Variants in CDH26 observed in about 807,000 individuals in gnomAD.
The protein encoded by CDH26 is cadherin 26, also known as cadherin-like protein 26.
A neutral mutation model predicts 90.3 loss-of-function variants in CDH26; 83 were observed. The ratio of observed to expected loss-of-function variants is 0.92; its 90% confidence interval spans 0.77 to 1.10. The LOEUF is 1.10. Among genes scored for constraint, CDH26 ranks in the 50% least tolerant of loss-of-function variants. CDH26 has a pLI of 0.00. For synonymous variants in CDH26, 397 were observed against 396.3 expected (o/e 1.00, Z -0.02); for missense variants, 1,013 against 1,037.6 (o/e 0.98, Z 0.33).
At chr20:59,983,139 G>A (rs2061414244) in intron 5 of CDH26, 69 bp downstream of exon 5, 1 of 1,522,920 alleles carries the variant, frequency 6.6e-7, no homozygotes, top group Non-Finnish European at 8.9e-7. Context: ...TAATATTGAT[G>A]AGGAGCTTGA....
intron 1 of CDH26, among the ~76,000 whole-genome samples, chr20:59,962,441 C>T (rs908806262): frequency 6.6e-6 from 1 of 152,206 alleles, no homozygotes; most frequent in African/African-American, 2.4e-5. Context: ...CCAGCTGTTT[C>T]TTGGCTTGCA....
At chr20:59,987,819 G>A (rs970521857) in intron 8 of CDH26, among the ~76,000 whole-genome samples, 181 bp downstream of exon 8, 3 of 152,178 alleles carry the variant, frequency 2.0e-5, no homozygotes, top group African/African-American at 7.2e-5. Flanking sequence ...TGTGTGGGCT[G>A]AGGACTCCTC....
intron 4 of CDH26, among the ~76,000 whole-genome samples, chr20:59,979,601 CTTTT>C (rs559969476): frequency 6.3e-5 from 3 of 47,494 alleles, no homozygotes; most frequent in Admixed American, 3.7e-4. Flanking sequence ...CTGCTATGCA[CTTTT>C]TTTTTTTTTT....
chr20:59,988,977 G>A lies in CDH26; in HGVS notation c.1097G>A (p.Cys366Tyr). ...GAGAATGAGGAGAGGCTCGTCTTCT[G>A]TGAGAGAGGAAAGCTTCAGCCGCCA... ...VVENEERLVF[C>Y]ERGKLQPPRK... The change falls in exon 9 of 18, where the codon TGT (cysteine) becomes TAT (tyrosine). Residue 366 changes from cysteine (C) to tyrosine (Y), a missense_variant. Cys to Tyr is a radical substitution (Grantham distance 194). Transcript: ENST00000348616. 1 of 1,614,192 alleles carries A rather than the reference G, an allele frequency of 6.2e-7. No homozygotes were observed. Among genetic ancestry groups the A allele is most frequent in the Non-Finnish European group, 8.5e-7 (1 of 1,180,030 alleles).
At chr20:60,021,895 C>CATATATATAT (rs1387371250) in intron 7 of CDH26, among the ~76,000 whole-genome samples, 54 of 80,848 alleles carry the variant, frequency 6.7e-4, no homozygotes, top group Non-Finnish European at 1.3e-3. Context: ...CACACACACA[C>CATATATATAT]ACATATATAT....
At chr20:59,963,637 C>T (rs2061106780) in intron 1 of CDH26, among the ~76,000 whole-genome samples, 1 of 152,050 alleles carries the variant, frequency 6.6e-6, no homozygotes, top group Non-Finnish European at 1.5e-5. Flanking sequence ...GCCCAATTAG[C>T]CACATGTGGC....
chr20:60,010,892 C>T (rs195010), intron 17 of CDH26, among the ~76,000 whole-genome samples: 12,394 of 152,286 alleles, frequency 0.081, 1,314 homozygotes, highest in African/African-American at 0.24. Context: ...TCTGCCACCA[C>T]TCAGAACTGG....
At chr20:59,996,830 T>C (rs1460605505) in intron 13 of CDH26, 69 bp downstream of exon 13, 1 of 1,584,588 alleles carries the variant, frequency 6.3e-7, no homozygotes, top group Non-Finnish European at 8.6e-7. Flanking sequence ...TAGCATGTAT[T>C]TTTCCCCCCA....
rs184876484 is a variant in CDH26 at position 59,998,477 on chromosome 20, T to C, written c.2020-1109T>C. Among the ~76,000 whole-genome samples, 61 of 151,990 alleles carry C rather than the reference T, an allele frequency of 4.0e-4. No individual in the cohort carries two copies. The East Asian group carries it at 8.1e-3, about 20-fold the overall frequency. On this transcript the variant is annotated intron_variant, in intron 13 of 17. Coordinates refer to ENST00000348616, the MANE Select transcript of CDH26 (RefSeq NM_177980.4). ...CCTTGTGATGCTAAGACCAGGAGGG[T>C]TGGAGGGGGCTTAATGACATGGTGG...
At chr20:60,034,699 A>G (rs963789024), downstream of CDH26, among the ~76,000 whole-genome samples, 2 of 152,228 alleles carry the variant, frequency 1.3e-5, no homozygotes, top group Non-Finnish European at 2.9e-5. Context: ...TTCAGGCTCA[A>G]ATGAAAGGCC....
intron 7 of CDH26, among the ~76,000 whole-genome samples, chr20:60,023,134 G>A (rs2061971021): frequency 6.6e-6 from 1 of 152,232 alleles, no homozygotes; most frequent in African/African-American, 2.4e-5. Flanking sequence ...CAGCCATTCT[G>A]GTCACTGCCG....
At chr20:59,989,458 G>A (rs1040184334) in intron 9 of CDH26, among the ~76,000 whole-genome samples, 22 of 151,010 alleles carry the variant, frequency 1.5e-4, no homozygotes, top group African/African-American at 5.4e-4. Context: ...AACCCGGGAA[G>A]CGGAGCTTGC....
chr20:59,975,534 G>A (rs945491181), intron 4 of CDH26, among the ~76,000 whole-genome samples: 5 of 152,158 alleles, frequency 3.3e-5, no homozygotes, highest in Admixed American at 3.3e-4. Context: ...ACAGCCACAG[G>A]AAACTAACAG....
intron 4 of CDH26, among the ~76,000 whole-genome samples, chr20:59,978,051 G>A (rs116147039): frequency 0.015 from 2,310 of 152,094 alleles, 66 homozygotes; most frequent in African/African-American, 0.052. Flanking sequence ...TCTTTCACTT[G>A]GCAATATCCA....
chr20:59,963,354 G>A (rs971011727), intron 1 of CDH26, among the ~76,000 whole-genome samples: 3 of 149,546 alleles, frequency 2.0e-5, no homozygotes, highest in South Asian at 2.1e-4. Context: ...AGACTCATGC[G>A]ATCCTTCCAC....
At chr20:60,031,943 G>T (rs1442861405) in intron 8 of CDH26, among the ~76,000 whole-genome samples, 2 of 152,304 alleles carry the variant, frequency 1.3e-5, no homozygotes, top group African/African-American at 4.8e-5. Flanking sequence ...TGCATGGAAG[G>T]CCTGCCTCTT....
chr20:60,000,394 GC>G (rs2061660473), intron 14 of CDH26, among the ~76,000 whole-genome samples: 1 of 152,222 alleles, frequency 6.6e-6, no homozygotes, highest in South Asian at 2.1e-4. Context: ...ATGAGCATGT[GC>G]CTGGCCAGGG....
intron 13 of CDH26, among the ~76,000 whole-genome samples, 164 bp downstream of exon 13, chr20:59,996,925 T>G (rs1216454480): frequency 6.6e-6 from 1 of 152,270 alleles, no homozygotes; most frequent in East Asian, 1.9e-4. Context: ...CTAACTCAGA[T>G]AAATGAATTT....
chr20:59,974,380 A>C (rs2061301811), intron 4 of CDH26, among the ~76,000 whole-genome samples: 1 of 152,226 alleles, frequency 6.6e-6, no homozygotes. Context: ...AACATTTTAA[A>C]TGATGTATTA....
Sources: allele counts gnomAD v4.1 joint callset (sites outside exome capture counted in the v4.1 genomes callset), GRCh38; gene constraint gnomAD v4.1.1; transcripts MANE v1.5; gene names NCBI Gene and HGNC (gene_info 2026-07-23, HGNC 2026-07-21).